ZNF365: variants seen among roughly 807,000 people sequenced by gnomAD.
The protein encoded by ZNF365 is zinc finger protein 365.
Under a neutral mutation model 35.0 loss-of-function variants are expected in ZNF365, and 22 were observed. That is an observed-to-expected ratio of 0.63 (90% CI 0.45 to 0.90). The LOEUF (loss-of-function observed/expected upper bound fraction) is 0.90, where lower values mean the gene tolerates loss of function less well. Ranked by LOEUF, ZNF365 falls within the 40% of genes least tolerant of loss-of-function variation. The pLI, the probability that ZNF365 is intolerant of heterozygous loss-of-function variation, is 0.00. For missense variants in ZNF365, 448 were observed against 500.3 expected, an observed-to-expected ratio of 0.90 and a Z score of 1.00; for synonymous variants, 188 against 196.2, an observed-to-expected ratio of 0.96 and a Z score of 0.35.
At chr10:62,433,319 T>G (rs1387121913) in intron 3 of ZNF365, among the ~76,000 whole-genome samples, 1 of 152,180 alleles carries the variant, frequency 6.6e-6, no homozygotes, top group Non-Finnish European at 1.5e-5. Context: ...CGAGGCGGGC[T>G]GAGTCATCTA....
intron 3 of ZNF365, among the ~76,000 whole-genome samples, chr10:62,421,463 G>C (rs930394032): frequency 2.0e-5 from 3 of 152,112 alleles, no homozygotes; most frequent in African/African-American, 7.2e-5. Context: ...AGTTAAGCGG[G>C]TGGGCTTTAG....
chr10:62,459,708 T>C (rs769547513), intron 3 of ZNF365: 20 of 1,593,344 alleles, frequency 1.3e-5, no homozygotes, highest in Admixed American at 1.0e-4. Flanking sequence ...ACTAGCTCCA[T>C]TCATGATGGC....
chr10:62,461,000 A>C (rs1264276386), intron 4 of ZNF365, among the ~76,000 whole-genome samples: 1 of 152,166 alleles, frequency 6.6e-6, no homozygotes, highest in Non-Finnish European at 1.5e-5. Context: ...CAAACAATTC[A>C]TGCTGTTGTC....
At chr10:62,455,933 G>A (rs1840754904) in intron 3 of ZNF365, among the ~76,000 whole-genome samples, 1 of 152,178 alleles carries the variant, frequency 6.6e-6, no homozygotes, top group Non-Finnish European at 1.5e-5. Context: ...CCATGAAATC[G>A]TGATGGGGCA....
chr10:62,441,257 A>G (rs1450279236), intron 3 of ZNF365, among the ~76,000 whole-genome samples: 2 of 152,176 alleles, frequency 1.3e-5, no homozygotes, highest in African/African-American at 2.4e-5. Context: ...TCTAAAGTCC[A>G]TACTTAGAAC....
chr10:62,410,185 A>G (rs925167034), intron 3 of ZNF365, among the ~76,000 whole-genome samples: 2 of 152,094 alleles, frequency 1.3e-5, no homozygotes, highest in African/African-American at 2.4e-5. Flanking sequence ...ACTGACTGCT[A>G]CTAAAATCCT....
At chr10:62,455,498 A>G (rs1285548835) in intron 3 of ZNF365, among the ~76,000 whole-genome samples, 1 of 152,148 alleles carries the variant, frequency 6.6e-6, no homozygotes, top group East Asian at 1.9e-4. Context: ...AAGAAAATGA[A>G]AGCATCTATA....
At chr10:62,412,954 C>T (rs921829095) in intron 3 of ZNF365, among the ~76,000 whole-genome samples, 3 of 152,060 alleles carry the variant, frequency 2.0e-5, no homozygotes, top group Non-Finnish European at 4.4e-5. Flanking sequence ...TGCTGGTCTT[C>T]CCAGGGATAG....
intron 3 of ZNF365, among the ~76,000 whole-genome samples, chr10:62,419,082 G>T (rs1336477232): frequency 6.6e-6 from 1 of 151,980 alleles, no homozygotes; most frequent in Non-Finnish European, 1.5e-5. Context: ...CAAACAATGT[G>T]GTCAATATAT....
rs577060650 is a variant in ZNF365, at chr10:62,451,169, G to A, written c.925-8572G>A. On this transcript the variant is annotated intron_variant, in intron 3 of 4. Coordinates refer to the ZNF365 transcript ENST00000395255. ...GCGTGTGAGATGTAGGGAGGAGTTT[G>A]GTCACTTCTTTTGCCTGTGATTCCT... is the stretch of plus-strand genomic sequence containing the variant. Among the ~76,000 whole-genome samples the A allele has an allele frequency of 2.4e-4, 37 of 152,218 alleles. No homozygotes were observed. In the South Asian group the frequency reaches 7.7e-3, roughly 32 times the overall value.
rs1037695008 is a variant in ZNF365, at chr10:62,400,652, C to A, written c.*863C>A. The A allele has an allele frequency of 1.6e-5, 16 of 985,578 alleles. No individual in the cohort carries two copies. Among genetic ancestry groups the A allele is most frequent in the African/African-American group, 3.5e-5 (2 of 57,214 alleles). The allele number at this position is 985,578 out of a possible 1,614,324, so 61.1% of individuals were successfully genotyped here. The stretch of plus-strand genomic sequence containing the variant: ...ACTGCACGCTTGGTGCATCGTGCAT[C>A]GTGACCATCCTGGAAGCACTGCGGG... On this transcript the variant is annotated 3_prime_UTR_variant, in exon 5 of 5. Coordinates refer to ENST00000395254, the MANE Select transcript of ZNF365 (RefSeq NM_014951.3).
intron 3 of ZNF365, 136 bp downstream of exon 3, chr10:62,388,712 C>A: frequency 1.8e-6 from 2 of 1,083,948 alleles, no homozygotes; most frequent in Non-Finnish European, 2.6e-6. Context: ...TGGGCCATGC[C>A]TGTATTGTGG....
At chr10:62,426,666 G>A (rs1008663478) in intron 3 of ZNF365, among the ~76,000 whole-genome samples, 1 of 152,082 alleles carries the variant, frequency 6.6e-6, no homozygotes, top group African/African-American at 2.4e-5. Context: ...GGGTTTCTGC[G>A]GGAAAGGCAA....
chr10:62,475,233 A>G (rs1841109578), intron 4 of ZNF365, among the ~76,000 whole-genome samples: 1 of 152,198 alleles, frequency 6.6e-6, no homozygotes, highest in Non-Finnish European at 1.5e-5. Flanking sequence ...GGGGAACAGA[A>G]GCCTTGTAAT....
At chr10:62,477,054 G>C (rs1172668146) in intron 4 of ZNF365, among the ~76,000 whole-genome samples, 1 of 152,192 alleles carries the variant, frequency 6.6e-6, no homozygotes, top group Non-Finnish European at 1.5e-5. Flanking sequence ...TTCTGTGCCA[G>C]ATACCACGCC....
downstream of ZNF365, among the ~76,000 whole-genome samples, chr10:62,404,041 A>G (rs1839870009): frequency 6.6e-6 from 1 of 152,176 alleles, no homozygotes; most frequent in African/African-American, 2.4e-5. Flanking sequence ...TCAGAACACA[A>G]CTGAAATTTT....
At chr10:62,458,567 A>T (rs557979727) in intron 3 of ZNF365, among the ~76,000 whole-genome samples, 2 of 152,022 alleles carry the variant, frequency 1.3e-5, no homozygotes, top group South Asian at 2.1e-4. Flanking sequence ...TGTTTTTTTT[A>T]AAACAACATT....
At chr10:62,451,782 G>C (rs192201754) in intron 3 of ZNF365, among the ~76,000 whole-genome samples, 1 of 152,294 alleles carries the variant, frequency 6.6e-6, no homozygotes, top group East Asian at 1.9e-4. Flanking sequence ...TGTAGAGGCA[G>C]CTCCACAGCA....
intron 3 of ZNF365, among the ~76,000 whole-genome samples, chr10:62,441,315 G>A (rs1284967131): frequency 6.6e-6 from 1 of 152,066 alleles, no homozygotes; most frequent in Non-Finnish European, 1.5e-5. Context: ...GTCCCACGTT[G>A]TTCATGAAGC....
Sources: gnomAD v4.1 joint callset for allele counts (sites outside exome capture counted in the v4.1 genomes callset) on GRCh38, gnomAD v4.1.1 for gene constraint, MANE v1.5 for transcripts, NCBI Gene and HGNC (gene_info 2026-07-23, HGNC 2026-07-21) for gene names.